The following HS3ST4 variants were observed in gnomAD, a reference collection of about 807,000 sequenced individuals.
HS3ST4 encodes heparan sulfate glucosamine 3-O-sulfotransferase 4.
HS3ST4 carries 17 observed loss-of-function variants against 29.2 expected under a neutral mutation model. The observed-to-expected ratio is 0.58, with a 90% CI of 0.40 to 0.87. The LOEUF is 0.87. Among genes scored for constraint, HS3ST4 ranks in the 40% least tolerant of loss-of-function variants. The probability of loss-of-function intolerance (pLI) is 0.00; values close to 1 mark genes in which losing one functional copy is unlikely to be tolerated. For missense variants in HS3ST4, 627 were observed against 634.5 expected, an observed-to-expected ratio of 0.99 and a Z score of 0.13; for synonymous variants, 314 against 285.7, an observed-to-expected ratio of 1.10 and a Z score of -1.00.
chr16:25,806,725 A>C (rs565418980), intron 1 of HS3ST4, among the ~76,000 whole-genome samples: 1 of 152,292 alleles, frequency 6.6e-6, no homozygotes, highest in South Asian at 2.1e-4. Flanking sequence ...CATATTGCAC[A>C]ACTATAGCTT....
intron 1 of HS3ST4, among the ~76,000 whole-genome samples, chr16:25,802,969 ATTTC>A (rs150041495): frequency 0.022 from 3,249 of 148,700 alleles, 47 homozygotes; most frequent in African/African-American, 0.027. Flanking sequence ...GTGTGTATAT[ATTTC>A]TTTCTCTGTT....
intron 1 of HS3ST4, among the ~76,000 whole-genome samples, chr16:26,056,628 T>C (rs1014238436): frequency 2.6e-5 from 4 of 152,220 alleles, no homozygotes; most frequent in East Asian, 1.9e-4. Flanking sequence ...TGGTGGGTGC[T>C]ATTAGCAGCC....
intron 1 of HS3ST4, among the ~76,000 whole-genome samples, chr16:25,928,522 C>T (rs1034752364): frequency 1.3e-5 from 2 of 152,196 alleles, no homozygotes; most frequent in Non-Finnish European, 2.9e-5. Flanking sequence ...CTAACAAGCA[C>T]ACCTCCAGAC....
chr16:25,788,724 A>T (rs1395514395), intron 1 of HS3ST4, among the ~76,000 whole-genome samples: 1 of 150,714 alleles, frequency 6.6e-6, no homozygotes, highest in Non-Finnish European at 1.5e-5. Context: ...TTTTTTTTGT[A>T]GAGATGGGAT....
chr16:26,072,264 C>T (rs988817125), intron 1 of HS3ST4, among the ~76,000 whole-genome samples: 3 of 152,094 alleles, frequency 2.0e-5, no homozygotes, highest in Non-Finnish European at 2.9e-5. Context: ...ATTCAGACTC[C>T]GTAGGATTCT....
chr16:25,745,502 C>G (rs994488408), intron 1 of HS3ST4, among the ~76,000 whole-genome samples: 1 of 152,128 alleles, frequency 6.6e-6, no homozygotes, highest in Non-Finnish European at 1.5e-5. Context: ...TGGGCCATGT[C>G]CTATATTTTT....
intron 1 of HS3ST4, among the ~76,000 whole-genome samples, chr16:26,089,868 C>T (rs1400593129): frequency 6.6e-6 from 1 of 152,194 alleles, no homozygotes; most frequent in Admixed American, 6.5e-5. Flanking sequence ...CACTTAACCT[C>T]TCTGTGCTTG....
intron 1 of HS3ST4, among the ~76,000 whole-genome samples, chr16:25,810,739 A>G (rs1053804392): frequency 6.6e-6 from 1 of 152,252 alleles, no homozygotes; most frequent in Non-Finnish European, 1.5e-5. Context: ...TTAAAATTAA[A>G]TAAGTACATA....
intron 1 of HS3ST4, among the ~76,000 whole-genome samples, chr16:25,746,394 G>A (rs1292296315): frequency 6.6e-6 from 1 of 152,112 alleles, no homozygotes; most frequent in Admixed American, 6.5e-5. Flanking sequence ...AGGATCTTGA[G>A]TAAAGCCATC....
At position 25,822,122 on chromosome 16, in the gene HS3ST4, G is replaced by A. The variant is rs1021436018; in HGVS notation, c.734+128971G>A. On this transcript the variant is annotated intron_variant, in intron 1 of 1. Transcript: ENST00000331351. The stretch of plus-strand genomic sequence containing the variant: ...AAAGGACTGTTCTGGGAAGTCCAGC[G>A]TCTTAGTTCATTGGGGGCTCTTATA... Among the ~76,000 whole-genome samples, 9 of 152,126 alleles carry A rather than the reference G, an allele frequency of 5.9e-5. No homozygotes were observed. The East Asian group carries it at 9.6e-4, about 16-fold the overall frequency.
intron 1 of HS3ST4, among the ~76,000 whole-genome samples, chr16:25,941,945 C>G (rs1968576363): frequency 6.6e-6 from 1 of 152,140 alleles, no homozygotes; most frequent in South Asian, 2.1e-4. Context: ...GTCTGATTGT[C>G]CTCTCTTTTA....
intron 1 of HS3ST4, among the ~76,000 whole-genome samples, chr16:25,857,966 T>TTCTC (rs1316408833): frequency 3.3e-5 from 2 of 60,602 alleles, no homozygotes; most frequent in Admixed American, 1.7e-4. Context: ...CTTTCTTTCT[T>TTCTC]TCTTTCTCTT....
chr16:25,768,399 C>A (rs552173893), intron 1 of HS3ST4, among the ~76,000 whole-genome samples: 2 of 152,280 alleles, frequency 1.3e-5, no homozygotes, highest in South Asian at 4.1e-4. Context: ...TTCTCTACCC[C>A]CTTCCTTTCC....
chr16:26,089,640 T>C (rs537839672), intron 1 of HS3ST4, among the ~76,000 whole-genome samples: 2 of 152,346 alleles, frequency 1.3e-5, no homozygotes, highest in African/African-American at 2.4e-5. Flanking sequence ...GGCAGAGTGC[T>C]TCAGGAAAAG....
chr16:25,767,281 C>G (rs1966826538), intron 1 of HS3ST4, among the ~76,000 whole-genome samples: 1 of 152,166 alleles, frequency 6.6e-6, no homozygotes, highest in Admixed American at 6.5e-5. Flanking sequence ...GTTTTATCAT[C>G]CAGTGTTCTT....
chr16:25,724,788 G>A (rs1055738044), intron 1 of HS3ST4, among the ~76,000 whole-genome samples: 8 of 152,086 alleles, frequency 5.3e-5, no homozygotes, highest in East Asian at 3.8e-4. Flanking sequence ...TGGCAACTTC[G>A]TTAACTCGTT....
intron 1 of HS3ST4, among the ~76,000 whole-genome samples, chr16:26,079,908 C>G (rs959405887): frequency 2.0e-5 from 3 of 152,152 alleles, no homozygotes; most frequent in Non-Finnish European, 4.4e-5. Context: ...GCGCAATGGT[C>G]AGGCATGTTT....
intron 1 of HS3ST4, among the ~76,000 whole-genome samples, chr16:25,861,967 AT>A: frequency 6.6e-6 from 1 of 152,090 alleles, no homozygotes; most frequent in Non-Finnish European, 1.5e-5. Context: ...GTCCCCAACC[AT>A]TTTGGCACTA....
At chr16:26,021,221 T>A (rs541478739) in intron 1 of HS3ST4, among the ~76,000 whole-genome samples, 3 of 151,978 alleles carry the variant, frequency 2.0e-5, no homozygotes, top group Non-Finnish European at 4.4e-5. Context: ...TAAAAAGGAG[T>A]TTGTTGTCAA....
Sources: allele counts gnomAD v4.1 joint callset (sites outside exome capture counted in the v4.1 genomes callset), GRCh38; gene constraint gnomAD v4.1.1; transcripts MANE v1.5; gene names NCBI Gene and HGNC (gene_info 2026-07-23, HGNC 2026-07-21).